Variants in SLC6A16 observed in about 807,000 individuals in gnomAD.
The protein encoded by SLC6A16 is orphan sodium- and chloride-dependent neurotransmitter transporter NTT5.
A neutral mutation model predicts 65.4 loss-of-function variants in SLC6A16; 54 were observed. The observed-to-expected ratio is 0.83, with a 90% CI of 0.66 to 1.04. SLC6A16 has a LOEUF of 1.04. Among genes scored for constraint, SLC6A16 ranks in the 50% least tolerant of loss-of-function variants. The pLI is 0.00. For missense variants in SLC6A16, 816 were observed against 914.0 expected, an observed-to-expected ratio of 0.89 and a Z score of 1.38; for synonymous variants, 330 against 346.5, an observed-to-expected ratio of 0.95 and a Z score of 0.53.
chr19:49,303,774 C>A (rs1319828722), intron 7 of SLC6A16, among the ~76,000 whole-genome samples: 1 of 152,150 alleles, frequency 6.6e-6, no homozygotes, highest in African/African-American at 2.4e-5. Context: ...AAACTATTAT[C>A]ATATTACTAT....
chr19:49,312,424 CT>C (rs1451861333), intron 1 of SLC6A16: 8 of 395,198 alleles, frequency 2.0e-5, no homozygotes, highest in African/African-American at 1.5e-4. Flanking sequence ...CATTTCTCAT[CT>C]CCTGACTTTA....
At chr19:49,335,645 C>A in the SLC6A16 span, 1 of 1,609,490 alleles carries the variant, frequency 6.2e-7, no homozygotes, top group Non-Finnish European at 8.5e-7. The surrounding 1 kb of genome is among the most constrained non-coding windows in gnomAD (Gnocchi z 4.6). Context: ...CGGGGCCCAG[C>A]CCCTGCCGCT....
chr19:49,320,806 A>C (rs1470371287), intron 1 of SLC6A16, among the ~76,000 whole-genome samples: 1 of 152,218 alleles, frequency 6.6e-6, no homozygotes, highest in African/African-American at 2.4e-5. Flanking sequence ...AAATCTACTA[A>C]GACTAAATCA....
At chr19:49,322,918 CA>C (rs1308214528) in intron 1 of SLC6A16, among the ~76,000 whole-genome samples, 2 of 119,898 alleles carry the variant, frequency 1.7e-5, no homozygotes, top group Non-Finnish European at 1.6e-5. Context: ...GGACCCTGAA[CA>C]GCCAAAATAA....
intron 1 of SLC6A16, among the ~76,000 whole-genome samples, chr19:49,322,040 G>A (rs563470056): frequency 9.2e-5 from 14 of 152,202 alleles, no homozygotes; most frequent in African/African-American, 2.2e-4. Context: ...AGAAACAAGC[G>A]TAGAATGTCT....
chr19:49,312,592 G>C (rs1206290536), intron 1 of SLC6A16: 1 of 983,636 alleles, frequency 1.0e-6, no homozygotes, highest in East Asian at 1.1e-4. Flanking sequence ...AAATACAAGA[G>C]AAAAGGCAAG....
intron 1 of SLC6A16, among the ~76,000 whole-genome samples, chr19:49,315,512 G>T (rs372292875): frequency 3.3e-5 from 5 of 152,324 alleles, no homozygotes; most frequent in African/African-American, 1.2e-4. Flanking sequence ...AGCCTTTGGG[G>T]CTGGTCATGG....
At chr19:49,331,531 T>C in the SLC6A16 span, 2 of 349,716 alleles carry the variant, frequency 5.7e-6, no homozygotes, top group South Asian at 4.3e-5. Flanking sequence ...GGTATTCTAT[T>C]TGTAGTTGTT....
chr19:49,295,842 A>G (rs1970175965), intron 7 of SLC6A16, among the ~76,000 whole-genome samples: 1 of 152,182 alleles, frequency 6.6e-6, no homozygotes, highest in Non-Finnish European at 1.5e-5. Context: ...TAAATCTGAC[A>G]CTTCAAAGGG....
chr19:49,321,167 A>T (rs1224631163), intron 1 of SLC6A16, among the ~76,000 whole-genome samples: 4 of 152,174 alleles, frequency 2.6e-5, no homozygotes, highest in Admixed American at 6.5e-5. Context: ...ATATACCATG[A>T]CCAAGTGGGA....
At chr19:49,293,486 CGGGCGAGG>C in intron 9 of SLC6A16, 104 bp from the exon 10 acceptor site, 1 of 1,106,976 alleles carries the variant, frequency 9.0e-7, no homozygotes, top group Non-Finnish European at 1.3e-6. Flanking sequence ...CAGTGGTAGC[CGGGCGAGG>C]GGGCTTACAT....
At chr19:49,318,868 A>ATTTTTTT (rs71180618) in intron 1 of SLC6A16, among the ~76,000 whole-genome samples, 4 of 104,580 alleles carry the variant, frequency 3.8e-5, no homozygotes, top group African/African-American at 3.8e-5. Context: ...ACAACTGGCT[A>ATTTTTTT]TTTTTTTTTT....
intron 7 of SLC6A16, among the ~76,000 whole-genome samples, chr19:49,302,462 C>T (rs1465051375): frequency 1.3e-5 from 2 of 152,194 alleles, no homozygotes; most frequent in Admixed American, 6.5e-5. Context: ...CCCCCACCCA[C>T]AGTTGGCACT....
chr19:49,339,834 C>A, the SLC6A16 span: 2 of 1,339,016 alleles, frequency 1.5e-6, no homozygotes, highest in African/African-American at 3.0e-5. This position sits in a 1 kb window ranked among gnomAD's most constrained non-coding sequence, Gnocchi z 4.5. Flanking sequence ...CCTGCCCCAA[C>A]TGGGGAGACA....
At chr19:49,291,056 A>G (rs1363697415) in intron 10 of SLC6A16, among the ~76,000 whole-genome samples, 4 of 152,182 alleles carry the variant, frequency 2.6e-5, no homozygotes, top group Admixed American at 6.5e-5. Context: ...GAGAATGTCT[A>G]TGATGTGCCA....
At chr19:49,323,511 C>A (rs868717754) in intron 1 of SLC6A16, among the ~76,000 whole-genome samples, 9 of 152,020 alleles carry the variant, frequency 5.9e-5, no homozygotes, top group African/African-American at 2.2e-4. Context: ...TAAAACTCAA[C>A]AACAAAGAAA....
At chr19:49,332,689 G>A in the SLC6A16 span, among the ~76,000 whole-genome samples, 1 of 152,170 alleles carries the variant, frequency 6.6e-6, no homozygotes, top group Non-Finnish European at 1.5e-5. Context: ...ACAAGTTCTG[G>A]GGATTAGGAC....
intron 1 of SLC6A16, chr19:49,312,404 T>C (rs1450823127): frequency 7.2e-6 from 2 of 278,814 alleles, no homozygotes; most frequent in African/African-American, 4.6e-5. Context: ...CAACTCTCTT[T>C]ACTTCATGGC....
chr19:49,339,747 C>T, the SLC6A16 span: 1 of 1,385,660 alleles, frequency 7.2e-7, no homozygotes. The surrounding 1 kb of genome is among the most constrained non-coding windows in gnomAD (Gnocchi z 4.5). Context: ...GGGATTCGAG[C>T]CCCGGGCCCA....
Sources: allele counts gnomAD v4.1 joint callset (sites outside exome capture counted in the v4.1 genomes callset), GRCh38; gene constraint gnomAD v4.1.1; non-coding constraint Gnocchi (gnomAD v3.1); transcripts MANE v1.5; gene names NCBI Gene and HGNC (gene_info 2026-07-23, HGNC 2026-07-21).